Variants in ASH2L observed in about 807,000 individuals in gnomAD.
ASH2L encodes the protein ASH2 like, histone lysine methyltransferase complex subunit, also known as set1/Ash2 histone methyltransferase complex subunit ASH2.
Under a neutral mutation model 81.1 loss-of-function variants are expected in ASH2L, and 30 were observed. That is an observed-to-expected ratio of 0.37 (90% confidence interval 0.28 to 0.50). ASH2L has a LOEUF of 0.50. Among genes scored for constraint, ASH2L ranks in the 20% least tolerant of loss-of-function variants. The pLI, the probability that ASH2L is intolerant of heterozygous loss-of-function variation, is 0.95. For missense variants in ASH2L, 559 were observed against 792.1 expected (o/e 0.71, Z 3.53); for synonymous variants, 273 against 279.9 (o/e 0.98, Z 0.24).
chr8:38,129,024 G>T, intron 12 of ASH2L, 73 bp downstream of exon 12: 1 of 1,545,398 alleles, frequency 6.5e-7, no homozygotes, highest in Middle Eastern at 1.8e-4. Flanking sequence ...ACTGGCTTGT[G>T]TGATCTCTTA....
intron 3 of ASH2L, among the ~76,000 whole-genome samples, chr8:38,109,684 G>A (rs1005268343): frequency 2.0e-5 from 3 of 152,022 alleles, no homozygotes; most frequent in East Asian, 3.9e-4. Flanking sequence ...TGATCCATGC[G>A]CCTTGGCCTC....
Position 38,128,343 on chromosome 8 carries a change from C to T in ASH2L, c.1218C>T (p.Gly406=). 1.2e-6 allele frequency: 2 copies of T among 1,614,128 alleles called. No individual in the cohort carries two copies. The highest frequency in any genetic ancestry group is 1.7e-6 in the Non-Finnish European group (2 of 1,180,024). The part of the protein sequence containing the change: ...DDRLTVVGEK[G]YSMVRASHGV... ...GGCTGACTGTGGTTGGAGAGAAGGGCTACTCTATGGTGAGGGCCTCTCATG... is the reference window on the plus strand; with the variant it reads ...GGCTGACTGTGGTTGGAGAGAAGGGTTACTCTATGGTGAGGGCCTCTCATG... Residue 406 remains glycine (G), a synonymous_variant, in exon 11 of 16, where the codon GGC becomes GGT. Coordinates refer to ENST00000343823, the MANE Select transcript of ASH2L (RefSeq NM_004674.5).
Position 38,110,700 on chromosome 8 carries a change from T to A in ASH2L, c.491-39T>A, listed in dbSNP as rs376065614. On this transcript the variant is annotated intron_variant, in intron 4 of 15. Coordinates refer to ENST00000343823, the MANE Select transcript of ASH2L (RefSeq NM_004674.5). ...TATTCCCTTGGTAGTAGAGATGTAG[T>A]ACTACAGATAACTGTTTCTTCCTTT... is the stretch of plus-strand genomic sequence containing the variant. 3.8e-3 allele frequency: 5,682 copies of A among 1,493,142 alleles called. 216 individuals carry two copies. The South Asian group carries it at 0.062, about 16-fold the overall frequency. 92.5% of individuals were successfully genotyped at this position (1,493,142 alleles called of 1,614,324 possible).
intron 8 of ASH2L, among the ~76,000 whole-genome samples, chr8:38,117,001 T>C (rs1810931339): frequency 6.6e-6 from 1 of 152,246 alleles, no homozygotes; most frequent in Admixed American, 6.5e-5. Flanking sequence ...TATATCTGTA[T>C]CCTTATAACT....
chr8:38,107,073 A>G lies in ASH2L; in HGVS notation c.308A>G (p.Asp103Gly), dbSNP rs757573888. The change falls in exon 3 of 16, where the codon GAT (aspartate) becomes GGT (glycine). Residue 103 changes from aspartate (D) to glycine (G), a missense_variant. Asp to Gly is a moderately conservative substitution (Grantham distance 94). This residue lies in a region of ASH2L where 318 missense variants were observed against 527.0 expected (regional missense o/e 0.60). Coordinates refer to ENST00000343823, the MANE Select transcript of ASH2L (RefSeq NM_004674.5). ...EVMDTQAGSV[D>G]EENGRQLGEV... ...ATGGATACTCAGGCGGGCTCCGTGG[A>G]TGAAGAGAATGGCCGACAGTTGGGT... 8 of 1,614,022 alleles carry G rather than the reference A, an allele frequency of 5.0e-6. No homozygotes were observed. The highest frequency in any genetic ancestry group is 1.6e-4 in the Middle Eastern group (1 of 6,084).
intron 14 of ASH2L, chr8:38,138,165 AGCTACTTGG>A (rs1211006678): frequency 6.6e-6 from 1 of 152,288 alleles, no homozygotes; most frequent in Non-Finnish European, 1.5e-5. Context: ...CTGCAGTCCC[AGCTACTTGG>A]GAAGCTGAGG....
intron 14 of ASH2L, chr8:38,137,388 A>AG (rs1802300971): frequency 3.0e-5 from 2 of 66,102 alleles, no homozygotes; most frequent in African/African-American, 1.1e-4. Flanking sequence ...CTCTAAAAAT[A>AG]CAAAAAAAAA....
intron 14 of ASH2L, among the ~76,000 whole-genome samples, chr8:38,136,283 T>C (rs1802252762): frequency 6.6e-6 from 1 of 151,598 alleles, no homozygotes; most frequent in African/African-American, 2.4e-5. Context: ...TTGCCCTGGC[T>C]GGTCTCAAAG....
chr8:38,106,598 C>A (rs1403491251), intron 2 of ASH2L, among the ~76,000 whole-genome samples, 154 bp downstream of exon 2: 1 of 151,526 alleles, frequency 6.6e-6, no homozygotes, highest in Non-Finnish European at 1.5e-5. Context: ...ACCTCCTCCC[C>A]CCGGGTTCCA....
rs1446773277 is a variant in ASH2L at position 38,128,811 on chromosome 8, A to G, written c.1387A>G (p.Lys463Glu). 6.2e-7 allele frequency: 1 copy of G among 1,614,150 alleles called. No homozygotes were observed. The highest frequency in any genetic ancestry group is 1.1e-5 in the South Asian group (1 of 91,076). Residue 463 changes from lysine to glutamate, a missense_variant, in exon 12 of 16, where the codon AAA (lysine) becomes GAA (glutamate). Around this residue, in one of 4 missense-constraint regions of ASH2L, gnomAD observed 318 missense variants for 527.0 expected, o/e 0.60. Coordinates refer to ENST00000343823, the MANE Select transcript of ASH2L (RefSeq NM_004674.5). ...TAAATTTAGCTATTCTTGGCGGAGC[A>G]AAAAGGGAACCAAGTTCCACCAGTC... is the stretch of plus-strand genomic sequence containing the variant. ...YDKFSYSWRSKKGTKFHQSIG... is the reference protein window; with the variant it reads ...YDKFSYSWRSEKGTKFHQSIG...
chr8:38,138,936 C>T (rs370816257), intron 15 of ASH2L, 28 bp from the exon 16 acceptor site: 16 of 1,613,270 alleles, frequency 9.9e-6, no homozygotes, highest in East Asian at 4.5e-5. Context: ...CTGTAGTCAC[C>T]GTGTTCTGTT....
intron 13 of ASH2L, among the ~76,000 whole-genome samples, chr8:38,135,239 G>A (rs867742330): frequency 5.3e-5 from 8 of 152,008 alleles, no homozygotes; most frequent in Admixed American, 1.3e-4. Context: ...ACAAAGCCCC[G>A]GACTTTGAGA....
At chr8:38,130,046 C>T (rs1193130010) in intron 12 of ASH2L, among the ~76,000 whole-genome samples, 1 of 152,066 alleles carries the variant, frequency 6.6e-6, no homozygotes, top group Non-Finnish European at 1.5e-5. Flanking sequence ...GATTGTCTGT[C>T]AACTTAATTT....
At chr8:38,134,484 C>G (rs530461888) in intron 13 of ASH2L, among the ~76,000 whole-genome samples, 30 of 152,260 alleles carry the variant, frequency 2.0e-4, no homozygotes, top group African/African-American at 7.2e-4. Flanking sequence ...GGAGCTGTAA[C>G]GTCTCACTCA....
intron 9 of ASH2L, among the ~76,000 whole-genome samples, chr8:38,120,237 C>T (rs946707564): frequency 6.6e-6 from 1 of 152,072 alleles, no homozygotes; most frequent in African/African-American, 2.4e-5. Context: ...GGTGATAAGC[C>T]TGGGGAACCT....
At chr8:38,113,037 C>T (rs576984446) in intron 5 of ASH2L, among the ~76,000 whole-genome samples, 14 of 151,676 alleles carry the variant, frequency 9.2e-5, no homozygotes, top group African/African-American at 3.4e-4. Context: ...TGCGATGTCT[C>T]GGCTCACTGC....
intron 12 of ASH2L, 148 bp downstream of exon 12, chr8:38,129,099 A>G: frequency 8.0e-7 from 1 of 1,245,230 alleles, no homozygotes; most frequent in Non-Finnish European, 1.1e-6. Context: ...AATAACAGTA[A>G]CAATCGGTGC....
At position 38,133,677 on chromosome 8, in the gene ASH2L, G is replaced by C. The variant is rs902296705; in HGVS notation, c.1620+131G>C. ...GCATCTGGTAGCCCCACTGGCCAGC[G>C]GCAAGCTCACCCTCTGCTTATTGTG... On this transcript the variant is annotated intron_variant, in intron 13 of 15. Transcript: ENST00000343823. 3 of 668,984 alleles carry C rather than the reference G, an allele frequency of 4.5e-6. No individual in the cohort carries two copies. The South Asian group carries it at 5.9e-5, about 13-fold the overall frequency. The allele number at this position is 668,984 out of a possible 1,614,324, so 41.4% of individuals were successfully genotyped here.
chr8:38,114,919 T>G lies in ASH2L; in HGVS notation c.696T>G (p.Asp232Glu). Reference sequence around the variant, plus strand: ...CTTCTTTTTAGAGTAAAGAAAGAGATGTATTCTTGGTAAAGGAACACCCAG... The same window carrying G: ...CTTCTTTTTAGAGTAAAGAAAGAGAGGTATTCTTGGTAAAGGAACACCCAG... ...NIVKTMSKER[D>E]VFLVKEHPDP... Residue 232 changes from aspartate (D) to glutamate (E), a missense_variant, in exon 7 of 16, where the codon GAT becomes GAG. Around this residue, in one of 4 missense-constraint regions of ASH2L, gnomAD observed 318 missense variants for 527.0 expected, o/e 0.60. Transcript: ENST00000343823. The G allele has an allele frequency of 6.2e-7, 1 of 1,607,098 alleles. No individual in the cohort carries two copies. Among genetic ancestry groups the G allele is most frequent in the Non-Finnish European group, 8.5e-7 (1 of 1,173,760 alleles).
Sources: allele counts gnomAD v4.1 joint callset (sites outside exome capture counted in the v4.1 genomes callset), GRCh38; gene constraint gnomAD v4.1.1; regional missense constraint gnomAD v4.1.1; transcripts MANE v1.5; gene names NCBI Gene and HGNC (gene_info 2026-07-23, HGNC 2026-07-21).